The following KIAA0825 variants were observed in gnomAD, a reference collection of about 807,000 sequenced individuals.
KIAA0825 encodes the protein KIAA0825.
In KIAA0825, 119 loss-of-function variants were observed where a neutral mutation model predicts 147.6. That is an observed-to-expected ratio of 0.81 (90% confidence interval 0.69 to 0.94). The LOEUF (loss-of-function observed/expected upper bound fraction) is 0.94. KIAA0825 is among the 40% of genes least tolerant of loss of function. KIAA0825 has a pLI of 0.00. For synonymous variants in KIAA0825, 470 were observed against 518.1 expected (o/e 0.91, Z 1.26); for missense variants, 1,381 against 1,472.7 (o/e 0.94, Z 1.02).
intron 15 of KIAA0825, among the ~76,000 whole-genome samples, chr5:94,412,351 T>C (rs915519566): frequency 1.3e-5 from 2 of 152,226 alleles, no homozygotes; most frequent in Non-Finnish European, 2.9e-5. Flanking sequence ...CACACATCAT[T>C]GGCCAAAATG....
At chr5:94,591,858 G>C (rs1784415058) in intron 1 of KIAA0825, among the ~76,000 whole-genome samples, 1 of 152,140 alleles carries the variant, frequency 6.6e-6, no homozygotes, top group Non-Finnish European at 1.5e-5. Context: ...ATGATGGTAG[G>C]CAAGAGAGCT....
At chr5:94,351,874 T>G (rs2150366750) in intron 20 of KIAA0825, among the ~76,000 whole-genome samples, 1 of 152,288 alleles carries the variant, frequency 6.6e-6, no homozygotes, top group African/African-American at 2.4e-5. Context: ...GCTAGCCACA[T>G]GTAGGAGAAT....
At chr5:94,504,746 CT>C (rs564291886) in intron 5 of KIAA0825, among the ~76,000 whole-genome samples, 21,639 of 122,684 alleles carry the variant, frequency 0.18, 1,032 homozygotes, top group East Asian at 0.25. Flanking sequence ...TTTTTCTTTT[CT>C]TTTTTTTTTT....
At chr5:94,321,472 A>G (rs1307011859) in intron 20 of KIAA0825, among the ~76,000 whole-genome samples, 1 of 152,016 alleles carries the variant, frequency 6.6e-6, no homozygotes, top group African/African-American at 2.4e-5. Flanking sequence ...CATATAAGAA[A>G]AGTGAGGCAC....
chr5:94,541,637 G>A (rs754114698), intron 2 of KIAA0825, among the ~76,000 whole-genome samples: 18 of 152,118 alleles, frequency 1.2e-4, no homozygotes, highest in Non-Finnish European at 1.6e-4. Flanking sequence ...TTTTCCTTAG[G>A]GCAAAGACTT....
intron 20 of KIAA0825, among the ~76,000 whole-genome samples, chr5:94,244,857 A>G (rs754601266): frequency 6.6e-6 from 1 of 152,154 alleles, no homozygotes; most frequent in Admixed American, 6.5e-5. Flanking sequence ...CATTGACACA[A>G]TTATGATTAC....
rs1172838355 is a variant in KIAA0825 at position 94,356,725 on chromosome 5, C to CTTTTT, written c.3710+27638_3710+27642dup. On this transcript the variant is annotated intron_variant, in intron 20 of 20. Transcript: ENST00000682413. ...TCAAACTTAAGGTTTAACTTGATTT[C>CTTTTT]TTTTTTTTTTTTTTTTTGAGACGGA... Among the ~76,000 whole-genome samples, 4 of 116,736 alleles carry CTTTTT rather than the reference C, an allele frequency of 3.4e-5. 1 individual carries two copies. The highest frequency in any genetic ancestry group is 1.0e-4 in the African/African-American group (3 of 29,464). The allele number at this position is 116,736 out of a possible 152,430, so 76.6% of individuals were successfully genotyped here.
chr5:94,569,486 A>G lies in KIAA0825; in HGVS notation c.-2+12947T>C, dbSNP rs1779457168. ...TGTCATTATTCTCGCACGGACTACA[A>G]CCACGACCAATGATATGAAAAACCA... On this transcript the variant is annotated intron_variant, in intron 2 of 20. Transcript: ENST00000682413. 1.2e-5 allele frequency: 5 copies of G among 410,562 alleles called. No individual in the cohort carries two copies. In the South Asian group the frequency reaches 6.5e-4, roughly 54 times the overall value. The allele number at this position is 410,562 out of a possible 1,614,324, so 25.4% of individuals were successfully genotyped here. A position where few individuals can be genotyped will look rare whatever the true frequency, so the allele number is the denominator to read the frequency against.
rs1248293575 is a variant in KIAA0825 at position 94,396,209 on chromosome 5, G to C, written c.3188C>G (p.Thr1063Arg). 10 of 1,551,468 alleles carry C rather than the reference G, an allele frequency of 6.4e-6. No homozygotes were observed. The highest frequency in any genetic ancestry group is 2.7e-5 in the African/African-American group (2 of 73,004). Residue 1063 changes from threonine to arginine, a missense_variant, in exon 17 of 21, where the codon ACA becomes AGA. Transcript: ENST00000682413. ...MCLKSIMGDQ[T>R]SIHNQMIQKV... Reference sequence around the variant, plus strand: ...TTGGATCATTTGATTATGGATACTTGTCTGGTCTCCCATGATGCTTTTCAA... The same window carrying C: ...TTGGATCATTTGATTATGGATACTTCTCTGGTCTCCCATGATGCTTTTCAA...
At chr5:94,165,470 T>C (rs1767949467) in intron 20 of KIAA0825, among the ~76,000 whole-genome samples, 1 of 151,896 alleles carries the variant, frequency 6.6e-6, no homozygotes, top group Non-Finnish European at 1.5e-5. Flanking sequence ...AAACTAAAAA[T>C]AGAGCTACCA....
At chr5:94,515,290 A>C (rs1767046388) in intron 5 of KIAA0825, among the ~76,000 whole-genome samples, 1 of 152,350 alleles carries the variant, frequency 6.6e-6, no homozygotes, top group East Asian at 1.9e-4. Context: ...ACAATATAAG[A>C]ATGGCACTGG....
At chr5:94,199,176 G>A (rs2150018139) in intron 20 of KIAA0825, among the ~76,000 whole-genome samples, 1 of 152,308 alleles carries the variant, frequency 6.6e-6, no homozygotes, top group East Asian at 1.9e-4. Flanking sequence ...GTAGGCTGAT[G>A]TTCCTTTAAT....
At chr5:94,310,612 T>C (rs1779076104) in intron 20 of KIAA0825, among the ~76,000 whole-genome samples, 1 of 151,632 alleles carries the variant, frequency 6.6e-6, no homozygotes, top group Non-Finnish European at 1.5e-5. Flanking sequence ...ATAAATAATG[T>C]GAACATAAAA....
intron 20 of KIAA0825, among the ~76,000 whole-genome samples, chr5:94,184,919 T>C (rs1474275796): frequency 6.6e-6 from 1 of 152,222 alleles, no homozygotes; most frequent in Non-Finnish European, 1.5e-5. Context: ...AGTTATCTAT[T>C]GTATAACAAG....
intron 5 of KIAA0825, among the ~76,000 whole-genome samples, chr5:94,500,408 T>C (rs888868607): frequency 1.3e-5 from 2 of 152,088 alleles, no homozygotes; most frequent in Non-Finnish European, 2.9e-5. Context: ...CTTGGAAATA[T>C]TTAGGTGGTC....
chr5:94,231,072 T>C (rs1475400382), intron 20 of KIAA0825, among the ~76,000 whole-genome samples: 1 of 152,130 alleles, frequency 6.6e-6, no homozygotes, highest in Non-Finnish European at 1.5e-5. Context: ...GTTTACCCAA[T>C]AGAAAGTTTT....
At chr5:94,379,355 T>C (rs753040807) in intron 20 of KIAA0825, among the ~76,000 whole-genome samples, 1 of 152,214 alleles carries the variant, frequency 6.6e-6, no homozygotes. Flanking sequence ...ATTTATTGAA[T>C]AGTGAATTCT....
intron 2 of KIAA0825, among the ~76,000 whole-genome samples, chr5:94,571,587 T>G (rs1297322689): frequency 6.6e-6 from 1 of 152,242 alleles, no homozygotes; most frequent in African/African-American, 2.4e-5. Context: ...CTTCTGTGGC[T>G]AAGTATTAAA....
intron 15 of KIAA0825, among the ~76,000 whole-genome samples, chr5:94,408,743 A>AT (rs1270294206): frequency 6.6e-6 from 1 of 152,146 alleles, no homozygotes; most frequent in Non-Finnish European, 1.5e-5. Flanking sequence ...AATGTAAAAC[A>AT]TTTTTCACCA....
Sources: allele counts gnomAD v4.1 joint callset (sites outside exome capture counted in the v4.1 genomes callset), GRCh38; gene constraint gnomAD v4.1.1; transcripts MANE v1.5; gene names NCBI Gene and HGNC (gene_info 2026-07-23, HGNC 2026-07-21).